TAT: variants seen among roughly 807,000 people sequenced by gnomAD.
The protein encoded by TAT is L-tyrosine:2-oxoglutarate aminotransferase.
TAT carries 35 observed loss-of-function variants against 53.6 expected under a neutral mutation model. The observed-to-expected ratio is 0.65, with a 90% confidence interval of 0.50 to 0.87. The LOEUF (loss-of-function observed/expected upper bound fraction) is 0.87, where lower values mean the gene tolerates loss of function less well. Among genes scored for constraint, TAT ranks in the 40% least tolerant of loss-of-function variants. The pLI is 0.00. For synonymous variants in TAT, 197 were observed against 206.5 expected, an observed-to-expected ratio of 0.95 and a Z score of 0.39; for missense variants, 525 against 571.8, an observed-to-expected ratio of 0.92 and a Z score of 0.83.
rs746077579 is a variant in TAT at position 71,576,189 on chromosome 16, A to AG, written c.226dup (p.Leu76ProfsTer17). 1 of 1,613,896 alleles carries AG rather than the reference A, an allele frequency of 6.2e-7. No homozygotes were observed. Among genetic ancestry groups the AG allele is most frequent in the African/African-American group, 1.3e-5 (1 of 74,936 alleles). On this transcript the variant is annotated frameshift_variant, in exon 2 of 12. Coordinates refer to ENST00000355962, the MANE Select transcript of TAT (RefSeq NM_000353.3). LOFTEE classifies it high-confidence loss of function. ...TAGTGTCCCCAACTCACCAATGGAC[A>AG]GGGAAATCATGGTTTTGTTTGGATT...
Position 71,570,350 on chromosome 16 carries a change from A to T in TAT, c.960T>A (p.Cys320Ter). 3 of 1,614,166 alleles carry T rather than the reference A, an allele frequency of 1.9e-6. No individual in the cohort carries two copies. Among genetic ancestry groups the T allele is most frequent in the Non-Finnish European group, 2.5e-6 (3 of 1,180,010 alleles). ...TTTTCAGAGCTCCCTGGACAATGGT[A>T]CAGGGTCCCAAAATGCGCTGACTCA... Reference protein sequence around the residue: ...VKLSQRILGPCTIVQGALKSI... With the variant: ...VKLSQRILGP Residue 320 changes from cysteine (C) to a stop codon, truncating the protein, a stop_gained, in exon 9 of 12, where the codon TGT becomes TGA. Coordinates refer to ENST00000355962, the MANE Select transcript of TAT (RefSeq NM_000353.3). LOFTEE classifies it high-confidence loss of function.
chr16:71,568,808 A>G lies in TAT; in HGVS notation c.1127T>C (p.Val376Ala), dbSNP rs749176019. The change falls in exon 11 of 12, where the codon GTT becomes GCT. Residue 376 changes from valine (V) to alanine (A), a missense_variant and splice_region_variant. Coordinates refer to ENST00000355962, the MANE Select transcript of TAT (RefSeq NM_000353.3). ...VRPSGAMYLM[V>A]GIEMEHFPEF... is the part of the protein sequence containing the mutation. ...TGGGAAATGTTCCATCTCAATTCCA[A>G]CCTATACCAACAGGAGGGAGAGGCC... is the stretch of plus-strand genomic sequence containing the variant. 2 of 1,613,276 alleles carry G rather than the reference A, an allele frequency of 1.2e-6. No homozygotes were observed. Among genetic ancestry groups the G allele is most frequent in the Non-Finnish European group, 1.7e-6 (2 of 1,179,528 alleles).
Position 71,568,392 on chromosome 16 carries a change from C to G in TAT, c.1225-108G>C. The stretch of plus-strand genomic sequence containing the variant: ...AAGAAGTGGTACCATTTCATCAGGG[C>G]CATCAGTTCATTCAGCTCCCATGAC... On this transcript the variant is annotated intron_variant, in intron 11 of 11. Coordinates refer to ENST00000355962, the MANE Select transcript of TAT (RefSeq NM_000353.3). 4 of 1,107,346 alleles carry G rather than the reference C, an allele frequency of 3.6e-6. No homozygotes were observed. In the South Asian group the frequency reaches 5.4e-5, roughly 15 times the overall value. The allele number at this position is 1,107,346 out of a possible 1,614,324, so 68.6% of individuals were successfully genotyped here. A position where few individuals can be genotyped will look rare whatever the true frequency, so the allele number is the denominator to read the frequency against.
Position 71,570,748 on chromosome 16 carries a change from G to C in TAT, c.843C>G (p.Arg281=), listed in dbSNP as rs1265611600. ...CCAACCTCCAGCCAGGAACCAGCCA[G>C]CGCTTGGCCAGCCCTCCACAGGACA... is the stretch of plus-strand genomic sequence containing the variant. The part of the protein sequence containing the change: ...PILSCGGLAK[R]WLVPGWRLGW... Residue 281 remains arginine, a synonymous_variant, in exon 8 of 12, where the codon CGC becomes CGG. Transcript: ENST00000355962. The C allele has an allele frequency of 6.2e-7, 1 of 1,614,110 alleles. No individual in the cohort carries two copies. Among genetic ancestry groups the C allele is most frequent in the Non-Finnish European group, 8.5e-7 (1 of 1,180,056 alleles).
At chr16:71,571,231 A>G (rs867698927) in intron 7 of TAT, among the ~76,000 whole-genome samples, 8 of 152,190 alleles carry the variant, frequency 5.3e-5, no homozygotes, top group Non-Finnish European at 1.0e-4. Context: ...CATGTAGCAC[A>G]CTTACCATAC....
At chr16:71,569,798 A>T in intron 10 of TAT, 56 bp downstream of exon 10, 1 of 1,534,558 alleles carries the variant, frequency 6.5e-7, no homozygotes, top group Non-Finnish European at 9.0e-7. Context: ...CTGCTGAATG[A>T]CTGCCCTTTG....
At chr16:71,572,842 A>C (rs1248612840) in intron 4 of TAT, among the ~76,000 whole-genome samples, 154 bp from the exon 5 acceptor site, 2 of 152,288 alleles carry the variant, frequency 1.3e-5, no homozygotes, top group African/African-American at 4.8e-5. Flanking sequence ...AAAGAAATTT[A>C]TATATGTTGA....
intron 9 of TAT, 81 bp downstream of exon 9, chr16:71,570,188 G>A: frequency 6.2e-7 from 1 of 1,605,248 alleles, no homozygotes; most frequent in Non-Finnish European, 8.5e-7. Context: ...CTCCAGAAAG[G>A]AGAACCAATT....
chr16:71,575,361 A>G (rs1180795136), intron 3 of TAT: 3 of 156,144 alleles, frequency 1.9e-5, no homozygotes, highest in Non-Finnish European at 2.8e-5. Flanking sequence ...AGTAATTTCA[A>G]TCTATCAGAA....
At chr16:71,573,492 A>T in intron 4 of TAT, 47 bp downstream of exon 4, 1 of 1,490,942 alleles carries the variant, frequency 6.7e-7, no homozygotes, top group South Asian at 1.2e-5. Flanking sequence ...AAAAAGGGAT[A>T]GTTTGCCCTA....
chr16:71,566,820 C>T lies in TAT; in HGVS notation c.*1324G>A, dbSNP rs1473591041. On this transcript the variant is annotated 3_prime_UTR_variant, in exon 12 of 12. Transcript: ENST00000355962. Reference sequence around the variant, plus strand: ...GTGCCTGGGATTAGAAATTCCCAAACGGAGAAAAAAACACATCACAGAAGA... The same window carrying T: ...GTGCCTGGGATTAGAAATTCCCAAATGGAGAAAAAAACACATCACAGAAGA... 1 of 139,252 alleles carries T rather than the reference C, an allele frequency of 7.2e-6. No individual in the cohort carries two copies. The highest frequency in any genetic ancestry group is 1.5e-5 in the Non-Finnish European group (1 of 64,764). 8.6% of individuals were successfully genotyped at this position (139,252 alleles called of 1,614,324 possible).
rs763386065 is a variant in TAT, at chr16:71,568,828, G to A, written c.1126-19C>T. 1 of 1,597,834 alleles carries A rather than the reference G, an allele frequency of 6.3e-7. No homozygotes were observed. The highest frequency in any genetic ancestry group is 8.6e-7 in the Non-Finnish European group (1 of 1,166,136). On this transcript the variant is annotated intron_variant, in intron 10 of 11. Coordinates refer to ENST00000355962, the MANE Select transcript of TAT (RefSeq NM_000353.3). ...TTCCAACCTATACCAACAGGAGGGAGAGGCCAACTTATCAGAAGGAGGGAG... is the reference window on the plus strand; with the variant it reads ...TTCCAACCTATACCAACAGGAGGGAAAGGCCAACTTATCAGAAGGAGGGAG...
intron 6 of TAT, 151 bp downstream of exon 6, chr16:71,572,035 C>A: frequency 1.0e-6 from 1 of 970,728 alleles, no homozygotes; most frequent in South Asian, 1.4e-5. Context: ...GCCTACCACT[C>A]CTATGGCACA....
At chr16:71,571,476 T>C in intron 7 of TAT, 130 bp downstream of exon 7, 2 of 845,926 alleles carry the variant, frequency 2.4e-6, no homozygotes, top group East Asian at 2.5e-5. Flanking sequence ...GTCTATATAT[T>C]TGTAAAAAGT....
intron 4 of TAT, 33 bp downstream of exon 4, chr16:71,573,506 T>C (rs1297087409): frequency 6.5e-7 from 1 of 1,542,352 alleles, no homozygotes; most frequent in Admixed American, 2.0e-5. Context: ...TGCCCTAAAT[T>C]GCTTCAGAGC....
At position 71,572,543 on chromosome 16, in the gene TAT, A is replaced by T; in HGVS notation, c.554T>A (p.Leu185His). Reference protein sequence around the residue: ...LAESMGIEVKLYNLLPEKSWE... With the variant: ...LAESMGIEVKHYNLLPEKSWE... The stretch of plus-strand genomic sequence containing the variant: ...AAAGTCATTTACCAACAAATTGTAG[A>T]GTTTGACCTCAATTCCCATAGACTC... The change falls in exon 5 of 12, where the codon CTC becomes CAC. Residue 185 changes from leucine to histidine, a missense_variant. Physicochemically the swap from Leu to His is moderately conservative, Grantham distance 99. Transcript: ENST00000355962. 2 of 1,614,266 alleles carry T rather than the reference A, an allele frequency of 1.2e-6. No homozygotes were observed. The highest frequency in any genetic ancestry group is 1.7e-6 in the Non-Finnish European group (2 of 1,180,040).
intron 3 of TAT, 59 bp downstream of exon 3, chr16:71,575,863 G>T: frequency 6.9e-7 from 1 of 1,454,190 alleles, no homozygotes; most frequent in Admixed American, 1.7e-5. Context: ...ATTTAGTCCT[G>T]TTATAAGAGC....
Position 71,570,845 on chromosome 16 carries a change from C to G in TAT, c.760-14G>C, listed in dbSNP as rs750888026. The G allele has an allele frequency of 1.2e-6, 2 of 1,613,380 alleles. No individual in the cohort carries two copies. The highest frequency in any genetic ancestry group is 1.7e-6 in the Non-Finnish European group (2 of 1,179,714). ...ATCCGAAAACACCTGAGAAGAGGCA[C>G]TTGTTATGGTTGTTTTCTTGTCTAC... is the stretch of plus-strand genomic sequence containing the variant. On this transcript the variant is annotated splice_polypyrimidine_tract_variant and intron_variant, in intron 7 of 11. Transcript: ENST00000355962.
chr16:71,570,386 C>T lies in TAT; in HGVS notation c.924G>A (p.Gly308=), dbSNP rs1312208885. The change falls in exon 9 of 12, where the codon GGG becomes GGA. Residue 308 remains glycine (G), a synonymous_variant. Transcript: ENST00000355962. ...AAATGCGCTGACTCAGCTTCACCAGCCCATCTCGGATCTAAAAGACACCCA... is the reference window on the plus strand; with the variant it reads ...AAATGCGCTGACTCAGCTTCACCAGTCCATCTCGGATCTAAAAGACACCCA... ...RDIFGNEIRD[G]LVKLSQRILG... is the part of the protein sequence containing the mutation. 1 of 1,614,156 alleles carries T rather than the reference C, an allele frequency of 6.2e-7. No homozygotes were observed. Among genetic ancestry groups the T allele is most frequent in the Admixed American group, 1.7e-5 (1 of 60,016 alleles).
Sources: allele counts gnomAD v4.1 joint callset (sites outside exome capture counted in the v4.1 genomes callset), GRCh38; gene constraint gnomAD v4.1.1; transcripts MANE v1.5; gene names NCBI Gene and HGNC (gene_info 2026-07-23, HGNC 2026-07-21).